SLC1A6: variants seen among roughly 807,000 people sequenced by gnomAD.
SLC1A6 encodes solute carrier family 1 member 6, also known as excitatory amino acid transporter 4.
SLC1A6 carries 15 observed loss-of-function variants against 42.1 expected under a neutral mutation model. The ratio of observed to expected loss-of-function variants is 0.36; its 90% confidence interval spans 0.24 to 0.55. The LOEUF is 0.55. Among genes scored for constraint, SLC1A6 ranks in the 20% least tolerant of loss-of-function variants. The probability of loss-of-function intolerance (pLI) is 0.88; values close to 1 mark genes in which losing one functional copy is unlikely to be tolerated. For missense variants in SLC1A6, 542 were observed against 772.5 expected (o/e 0.70, Z 3.54); for synonymous variants, 317 against 319.7 (o/e 0.99, Z 0.09).
intron 1 of SLC1A6, among the ~76,000 whole-genome samples, chr19:14,978,791 CATTCAT>C: frequency 6.6e-6 from 1 of 152,084 alleles, no homozygotes; most frequent in Non-Finnish European, 1.5e-5. Flanking sequence ...CACACATACA[CATTCAT>C]GTACACCCTC....
intron 1 of SLC1A6, among the ~76,000 whole-genome samples, chr19:14,989,120 G>A (rs2045806319): frequency 6.6e-6 from 1 of 152,090 alleles, no homozygotes; most frequent in South Asian, 2.1e-4. Context: ...CCAAAAGGTG[G>A]GAGGGTCGGG....
In SLC1A6 at chr19:14,979,060, A is replaced by T. The variant is rs1333601457; in HGVS notation, c.-8+249T>A. Reference sequence around the variant, plus strand: ...CTCTCTCTCTCTCTGTCACACACACACACACACACACACACACACACACAC... The same window carrying T: ...CTCTCTCTCTCTCTGTCACACACACTCACACACACACACACACACACACAC... On this transcript the variant is annotated intron_variant, in intron 1 of 9. Coordinates refer to ENST00000594383, the MANE Select transcript of SLC1A6 (RefSeq NM_005071.3). This position sits in a 1 kb window ranked among gnomAD's most constrained non-coding sequence, Gnocchi z 4.2. Among the ~76,000 whole-genome samples the T allele has an allele frequency of 2.0e-3, 164 of 80,784 alleles. 1 individual carries two copies. The highest frequency in any genetic ancestry group is 7.4e-3 in the African/African-American group (151 of 20,478). The allele number at this position is 80,784 out of a possible 152,430, so 53.0% of individuals were successfully genotyped here.
intron 1 of SLC1A6, among the ~76,000 whole-genome samples, chr19:14,978,986 T>C (rs779869609): frequency 6.9e-6 from 1 of 145,182 alleles, no homozygotes; most frequent in Non-Finnish European, 1.5e-5. Flanking sequence ...ATTTAAACAT[T>C]CAGCTCCACA....
At chr19:14,956,391 T>G in intron 7 of SLC1A6, 85 bp downstream of exon 7, 2 of 798,680 alleles carry the variant, frequency 2.5e-6, no homozygotes, top group Non-Finnish European at 4.0e-6. Flanking sequence ...GTTTAAGGAA[T>G]GGAGAGGGCA....
At chr19:14,983,742 A>AG (rs1555709265), upstream of SLC1A6, among the ~76,000 whole-genome samples, 41 of 149,210 alleles carry the variant, frequency 2.7e-4, no homozygotes, top group African/African-American at 9.8e-4. Context: ...AAAAAAAAAA[A>AG]GGCTGTAAGG....
intron 1 of SLC1A6, among the ~76,000 whole-genome samples, chr19:14,989,264 TA>T (rs869161509): frequency 6.6e-6 from 1 of 152,158 alleles, no homozygotes. Flanking sequence ...AAATCTATTT[TA>T]AAAAAAATTT....
chr19:14,963,382 T>C (rs2045537177), intron 5 of SLC1A6, among the ~76,000 whole-genome samples: 1 of 152,202 alleles, frequency 6.6e-6, no homozygotes, highest in Admixed American at 6.5e-5. Flanking sequence ...AGCTCTATTA[T>C]ACAACATGGT....
At chr19:14,980,402 C>A (rs2045759604), upstream of SLC1A6, 1 of 152,224 alleles carries the variant, frequency 6.6e-6, no homozygotes, top group African/African-American at 2.4e-5. Flanking sequence ...CTTTTCTTCT[C>A]GAAAGGCAAT....
chr19:14,972,461 T>C (rs2045652186), intron 2 of SLC1A6, among the ~76,000 whole-genome samples: 1 of 152,240 alleles, frequency 6.6e-6, no homozygotes, highest in Admixed American at 6.5e-5. Context: ...TATGTATATA[T>C]GTGAGTGTGT....
At chr19:14,967,888 T>C (rs2045591941) in intron 4 of SLC1A6, among the ~76,000 whole-genome samples, 1 of 152,204 alleles carries the variant, frequency 6.6e-6, no homozygotes, top group Non-Finnish European at 1.5e-5. Context: ...ATGGGCTGGT[T>C]CTGGCTCATT....
intron 4 of SLC1A6, among the ~76,000 whole-genome samples, chr19:14,968,024 A>C (rs1265667235): frequency 6.6e-6 from 1 of 152,188 alleles, no homozygotes; most frequent in African/African-American, 2.4e-5. Flanking sequence ...ACATGGGGTC[A>C]TATGTTACAT....
At chr19:14,951,313 C>T (rs1459318510) in intron 9 of SLC1A6, among the ~76,000 whole-genome samples, 1 of 146,674 alleles carries the variant, frequency 6.8e-6, no homozygotes, top group East Asian at 2.0e-4. Flanking sequence ...CTCATGCAGA[C>T]GATTAAGGGT....
At chr19:14,984,655 G>A (rs553139283), upstream of SLC1A6, among the ~76,000 whole-genome samples, 19 of 152,228 alleles carry the variant, frequency 1.2e-4, no homozygotes, top group African/African-American at 1.9e-4. Context: ...CATTAAGCTC[G>A]TCTTTTAACC....
rs2045517211 is a variant in SLC1A6, at chr19:14,962,032, G to A, written c.905C>T (p.Ala302Val). ...LRDFFDSLNEAIMRLVGIIIW... is the reference protein window; with the variant it reads ...LRDFFDSLNEVIMRLVGIIIW... Reference sequence around the variant, plus strand: ...AATGATGCCCACCAGCCTCATAATAGCCTCATTGAGGCTGTCGAAGAAGTC... The same window carrying A: ...AATGATGCCCACCAGCCTCATAATAACCTCATTGAGGCTGTCGAAGAAGTC... Residue 302 changes from alanine to valine, a missense_variant, in exon 6 of 10, where the codon GCT becomes GTT. Ala to Val is a moderately conservative substitution (Grantham distance 64). Transcript: ENST00000594383. The A allele has an allele frequency of 1.2e-6, 2 of 1,614,050 alleles. No homozygotes were observed. Among genetic ancestry groups the A allele is most frequent in the African/African-American group, 2.7e-5 (2 of 75,040 alleles).
intron 3 of SLC1A6, among the ~76,000 whole-genome samples, 195 bp from the exon 4 acceptor site, chr19:14,968,702 T>A (rs1013613773): frequency 6.6e-6 from 1 of 150,580 alleles, no homozygotes; most frequent in African/African-American, 2.4e-5. Flanking sequence ...ATTTTCCAAA[T>A]ACACACCCTC....
At chr19:14,986,474 G>GATTGCACC (rs1450515340) in intron 1 of SLC1A6, among the ~76,000 whole-genome samples, 2 of 150,474 alleles carry the variant, frequency 1.3e-5, no homozygotes, top group African/African-American at 4.9e-5. Context: ...AGTGAGCCGA[G>GATTGCACC]ATTGCACCAT....
intron 1 of SLC1A6, among the ~76,000 whole-genome samples, chr19:14,986,222 G>A (rs1407361213): frequency 6.6e-6 from 1 of 151,580 alleles, no homozygotes. Context: ...CAAGAGTCAA[G>A]ATTTAATAAA....
chr19:14,979,219 G>T lies in SLC1A6; in HGVS notation c.-8+90C>A. ...GCACAAGGCATCGGGCTCGGTGCTG[G>T]AAACGTGCCTGTGTGCGGAGGCCAC... On this transcript the variant is annotated intron_variant, in intron 1 of 9. Coordinates refer to ENST00000594383, the MANE Select transcript of SLC1A6 (RefSeq NM_005071.3). The surrounding 1 kb of genome is among the most constrained non-coding windows in gnomAD (Gnocchi z 4.2). 1 of 152,164 alleles carries T rather than the reference G, an allele frequency of 6.6e-6. No individual in the cohort carries two copies. The highest frequency in any genetic ancestry group is 1.5e-5 in the Non-Finnish European group (1 of 68,090). The allele number at this position is 152,164 out of a possible 1,614,324, so 9.4% of individuals were successfully genotyped here. A position where few individuals can be genotyped will look rare whatever the true frequency, so the allele number is the denominator to read the frequency against.
intron 9 of SLC1A6, among the ~76,000 whole-genome samples, chr19:14,951,253 CAAAAAAAAAAA>C (rs1164185118): frequency 2.3e-5 from 2 of 86,860 alleles, no homozygotes; most frequent in Admixed American, 1.5e-4. Flanking sequence ...CTCTGTCTCA[CAAAAAAAAAAA>C]AAAAAAAAAA....
Sources: gnomAD v4.1 joint callset for allele counts (sites outside exome capture counted in the v4.1 genomes callset) on GRCh38, gnomAD v4.1.1 for gene constraint, Gnocchi (gnomAD v3.1) non-coding constraint, MANE v1.5 for transcripts, NCBI Gene and HGNC (gene_info 2026-07-23, HGNC 2026-07-21) for gene names.